GRM8: variants seen among roughly 807,000 people sequenced by gnomAD.
GRM8 encodes the protein metabotropic glutamate receptor 8.
A neutral mutation model predicts 87.2 loss-of-function variants in GRM8; 47 were observed. The ratio of observed to expected loss-of-function variants is 0.54; its 90% CI spans 0.43 to 0.69. GRM8 has a LOEUF of 0.69. Ranked by LOEUF, GRM8 falls within the 30% of genes least tolerant of loss-of-function variation. The pLI is 0.00. For synonymous variants in GRM8, 396 were observed against 404.5 expected (o/e 0.98, Z 0.25); for missense variants, 1,019 against 1,139.2 (o/e 0.89, Z 1.52).
intron 3 of GRM8, among the ~76,000 whole-genome samples, chr7:126,928,709 C>T (rs1328664396): frequency 6.6e-6 from 1 of 150,960 alleles, no homozygotes; most frequent in Non-Finnish European, 1.5e-5. Context: ...ACTGTTAAAG[C>T]ATTTGCTGGC....
intron 7 of GRM8, among the ~76,000 whole-genome samples, chr7:126,768,756 T>C (rs1486922434): frequency 1.3e-5 from 2 of 152,040 alleles, no homozygotes; most frequent in African/African-American, 4.8e-5. Flanking sequence ...GCAACATTCC[T>C]CTTTTGATCA....
chr7:127,157,485 C>A (rs888824389), intron 2 of GRM8, among the ~76,000 whole-genome samples: 1 of 151,808 alleles, frequency 6.6e-6, no homozygotes, highest in African/African-American at 2.4e-5. Context: ...TAAATAAAAC[C>A]ATTTATGTTG....
chr7:126,752,696 A>G (rs1201387774), intron 7 of GRM8, among the ~76,000 whole-genome samples: 2 of 152,130 alleles, frequency 1.3e-5, no homozygotes, highest in Non-Finnish European at 2.9e-5. Flanking sequence ...TCTGACTCCC[A>G]TGACAGAAGA....
chr7:126,823,232 A>C (rs1039667589), intron 6 of GRM8, among the ~76,000 whole-genome samples: 2 of 152,236 alleles, frequency 1.3e-5, no homozygotes, highest in Non-Finnish European at 2.9e-5. Context: ...TTTAAAAATA[A>C]ACATATAGCC....
intron 3 of GRM8, among the ~76,000 whole-genome samples, chr7:127,095,408 C>T (rs1261173014): frequency 6.6e-6 from 1 of 152,090 alleles, no homozygotes; most frequent in Non-Finnish European, 1.5e-5. Flanking sequence ...TCATGGAAAG[C>T]AGGGACTAAT....
intron 2 of GRM8, among the ~76,000 whole-genome samples, chr7:127,197,578 T>C (rs1349836501): frequency 1.3e-5 from 2 of 148,796 alleles, no homozygotes; most frequent in Non-Finnish European, 3.0e-5. Context: ...TCTCTTTCAA[T>C]GAAAGGAAAC....
intron 6 of GRM8, among the ~76,000 whole-genome samples, chr7:126,896,120 G>A (rs552448204): frequency 6.6e-6 from 1 of 150,554 alleles, no homozygotes; most frequent in Admixed American, 6.7e-5. Context: ...CTGGGTTCTA[G>A]TTTCTTCACT....
At chr7:126,816,349 T>G (rs1359504017) in intron 6 of GRM8, among the ~76,000 whole-genome samples, 1 of 152,182 alleles carries the variant, frequency 6.6e-6, no homozygotes, top group East Asian at 1.9e-4. Flanking sequence ...TATGTGGAAC[T>G]ATAACAAACT....
chr7:126,555,941 AATGAAGTACAAT>A (rs1793089241), intron 8 of GRM8, among the ~76,000 whole-genome samples: 1 of 152,206 alleles, frequency 6.6e-6, no homozygotes, highest in Non-Finnish European at 1.5e-5. Context: ...AGAATACTAA[AATGAAGTACAAT>A]GACTATCTCT....
chr7:126,807,888 A>G (rs1792933534), intron 6 of GRM8, among the ~76,000 whole-genome samples: 1 of 152,174 alleles, frequency 6.6e-6, no homozygotes, highest in South Asian at 2.1e-4. Flanking sequence ...TACTTGACCT[A>G]TGACAACTTA....
intron 9 of GRM8, among the ~76,000 whole-genome samples, chr7:126,447,523 AACATCTATCATACTAGTTAG>A (rs1385095538): frequency 2.0e-5 from 3 of 151,952 alleles, no homozygotes; most frequent in African/African-American, 7.2e-5. Context: ...TAGTCTTGCT[AACATCTATCATACTAGTTAG>A]ATCTCATCTG....
intron 2 of GRM8, among the ~76,000 whole-genome samples, chr7:127,213,653 A>T (rs1047591148): frequency 1.3e-5 from 2 of 152,082 alleles, no homozygotes; most frequent in Non-Finnish European, 2.9e-5. Context: ...CCTGTGCTGC[A>T]TTCTGGGTAA....
intron 6 of GRM8, among the ~76,000 whole-genome samples, chr7:126,803,318 T>G (rs1243279060): frequency 6.6e-6 from 1 of 152,144 alleles, no homozygotes; most frequent in African/African-American, 2.4e-5. Flanking sequence ...AGACTGCGGG[T>G]AGCTCCATGG....
chr7:126,616,208 A>G (rs1415395512), intron 7 of GRM8, among the ~76,000 whole-genome samples: 1 of 152,234 alleles, frequency 6.6e-6, no homozygotes, highest in Non-Finnish European at 1.5e-5. Context: ...ACTACAACTC[A>G]GGATTAAGAA....
chr7:126,516,898 T>TA lies in GRM8; in HGVS notation c.2430+16053dup, dbSNP rs999380209. The stretch of plus-strand genomic sequence containing the variant: ...AATACTGCAAATATATGAATTCTTT[T>TA]AAAAAAACACATATTTAAAGATTTC... On this transcript the variant is annotated intron_variant, in intron 9 of 10. Transcript: ENST00000339582. Among the ~76,000 whole-genome samples the TA allele has an allele frequency of 1.2e-4, 18 of 152,150 alleles. 1 individual carries two copies. Among genetic ancestry groups the TA allele is most frequent in the Admixed American group, 3.3e-4 (5 of 15,238 alleles).
intron 6 of GRM8, among the ~76,000 whole-genome samples, chr7:126,820,842 T>C (rs1045826703): frequency 5.9e-5 from 9 of 152,238 alleles, no homozygotes; most frequent in African/African-American, 2.2e-4. Flanking sequence ...GGCTCATGCC[T>C]GTAATCATAG....
At chr7:127,165,036 C>A (rs896477639) in intron 2 of GRM8, among the ~76,000 whole-genome samples, 2 of 150,280 alleles carry the variant, frequency 1.3e-5, no homozygotes, top group Non-Finnish European at 3.0e-5. Context: ...CACTATATAC[C>A]TGGTTTTTTC....
intron 2 of GRM8, among the ~76,000 whole-genome samples, chr7:127,141,756 T>C (rs1174654201): frequency 6.6e-6 from 1 of 152,206 alleles, no homozygotes; most frequent in Non-Finnish European, 1.5e-5. Flanking sequence ...ATGCTCATTG[T>C]GGAGAGAACT....
At chr7:127,030,512 G>T (rs1817262538) in intron 3 of GRM8, among the ~76,000 whole-genome samples, 1 of 152,072 alleles carries the variant, frequency 6.6e-6, no homozygotes, top group Non-Finnish European at 1.5e-5. Flanking sequence ...CCGTTGATAT[G>T]TATCAGTTTA....
Sources: allele counts gnomAD v4.1 joint callset (sites outside exome capture counted in the v4.1 genomes callset), GRCh38; gene constraint gnomAD v4.1.1; transcripts MANE v1.5; gene names NCBI Gene and HGNC (gene_info 2026-07-23, HGNC 2026-07-21).